Variants in TMCO4 observed in about 807,000 individuals in gnomAD.
The protein encoded by TMCO4 is transmembrane and coiled-coil domain-containing protein 4.
In TMCO4, 58 loss-of-function variants were observed where a neutral mutation model predicts 64.7. The ratio of observed to expected loss-of-function variants is 0.90; its 90% CI spans 0.73 to 1.12. TMCO4 has a LOEUF of 1.12. Among genes scored for constraint, TMCO4 ranks in the 50% most tolerant of loss-of-function variants. The probability of loss-of-function intolerance (pLI) is 0.00; values close to 1 mark genes in which losing one functional copy is unlikely to be tolerated. For synonymous variants in TMCO4, 325 were observed against 346.1 expected, an observed-to-expected ratio of 0.94 and a Z score of 0.68; for missense variants, 780 against 825.9, an observed-to-expected ratio of 0.94 and a Z score of 0.68.
rs534226685 is a variant in TMCO4, at chr1:19,690,490, T to C, written c.1500+3944A>G. ...GCCTGGTCTGGCCACAGGCCCAGCA[T>C]GGAGCTTGCTCTTGTGTCGGTGTTT... On this transcript the variant is annotated intron_variant, in intron 15 of 15. Transcript: ENST00000294543. Among the ~76,000 whole-genome samples, 11 of 152,350 alleles carry C rather than the reference T, an allele frequency of 7.2e-5. No individual in the cohort carries two copies. In the South Asian group the frequency reaches 2.3e-3, roughly 32 times the overall value.
At chr1:19,694,857 G>A (rs944676627) in intron 14 of TMCO4, among the ~76,000 whole-genome samples, 3 of 152,208 alleles carry the variant, frequency 2.0e-5, no homozygotes, top group Non-Finnish European at 2.9e-5. Flanking sequence ...TGCAATAGAG[G>A]AATATCTGCT....
intron 4 of TMCO4, among the ~76,000 whole-genome samples, chr1:19,775,598 G>C (rs2043171795): frequency 6.6e-6 from 1 of 152,222 alleles, no homozygotes; most frequent in African/African-American, 2.4e-5. Flanking sequence ...GTCTGTGGCT[G>C]CTTTTGTGCT....
chr1:19,783,620 T>C (rs760524588), intron 3 of TMCO4, among the ~76,000 whole-genome samples: 2 of 152,244 alleles, frequency 1.3e-5, no homozygotes, highest in African/African-American at 4.8e-5. Context: ...ATAACTACCA[T>C]GTAAAGTTAA....
chr1:19,776,477 G>C (rs2043209510), intron 4 of TMCO4, among the ~76,000 whole-genome samples: 1 of 152,182 alleles, frequency 6.6e-6, no homozygotes, highest in Admixed American at 6.5e-5. Context: ...ATAAACATTT[G>C]TTCATGGAAA....
rs767898445 is a variant in TMCO4, at chr1:19,755,739, A to T, written c.410T>A (p.Leu137His). 6.2e-7 allele frequency: 1 copy of T among 1,614,122 alleles called. No individual in the cohort carries two copies. The highest frequency in any genetic ancestry group is 8.5e-7 in the Non-Finnish European group (1 of 1,180,026). Reference sequence around the variant, plus strand: ...GAGCAGGGAGGTCATGTGGCAAACGAGGACTCTGGCCCGGGCGTCATAGTG... The same window carrying T: ...GAGCAGGGAGGTCATGTGGCAAACGTGGACTCTGGCCCGGGCGTCATAGTG... ...DGHYDARARV[L>H]VCHMTSLLQV... Residue 137 changes from leucine to histidine, a missense_variant, in exon 7 of 16, where the codon CTC becomes CAC. Transcript: ENST00000294543.
At chr1:19,764,552 A>C (rs115115651) in intron 6 of TMCO4, among the ~76,000 whole-genome samples, 68 of 152,334 alleles carry the variant, frequency 4.5e-4, no homozygotes, top group African/African-American at 1.6e-3. Context: ...TACGGATTAT[A>C]AACTGTATGA....
intron 2 of TMCO4, among the ~76,000 whole-genome samples, chr1:19,788,747 G>A (rs753787316): frequency 1.3e-5 from 2 of 152,098 alleles, no homozygotes; most frequent in Non-Finnish European, 2.9e-5. Flanking sequence ...AACAGAATTC[G>A]ACTGCATATA....
At chr1:19,707,547 T>C (rs2095308607) in intron 13 of TMCO4, among the ~76,000 whole-genome samples, 1 of 152,152 alleles carries the variant, frequency 6.6e-6, no homozygotes, top group African/African-American at 2.4e-5. Flanking sequence ...CACTTGAACC[T>C]GGGAGGAGGA....
intron 3 of TMCO4, among the ~76,000 whole-genome samples, chr1:19,786,007 C>A (rs1019304296): frequency 6.6e-6 from 1 of 152,128 alleles, no homozygotes; most frequent in East Asian, 1.9e-4. Flanking sequence ...GCCTGTAATC[C>A]GAGAGCTTTC....
At chr1:19,765,018 C>T (rs1290417966) in intron 6 of TMCO4, among the ~76,000 whole-genome samples, 2 of 152,030 alleles carry the variant, frequency 1.3e-5, no homozygotes, top group South Asian at 2.1e-4. Flanking sequence ...GCCACGTCTG[C>T]GGTAGAGAGT....
chr1:19,690,394 C>T (rs952029536), intron 15 of TMCO4, among the ~76,000 whole-genome samples: 2 of 152,242 alleles, frequency 1.3e-5, no homozygotes, highest in African/African-American at 4.8e-5. Context: ...AGCACACTAA[C>T]GCCCCCTCTG....
At chr1:19,769,215 C>CT (rs1349821980) in intron 6 of TMCO4, among the ~76,000 whole-genome samples, 3 of 152,220 alleles carry the variant, frequency 2.0e-5, no homozygotes, top group African/African-American at 7.2e-5. Context: ...CCACTAGAAT[C>CT]TGAGGGCTGA....
chr1:19,755,421 A>C (rs1258161029), intron 7 of TMCO4, among the ~76,000 whole-genome samples: 1 of 152,156 alleles, frequency 6.6e-6, no homozygotes, highest in South Asian at 2.1e-4. Context: ...GGCACATTTC[A>C]TCTTTTCTTC....
At position 19,755,666 on chromosome 1, in the gene TMCO4, C is replaced by G; in HGVS notation, c.483G>C (p.Glu161Asp). 6.2e-7 allele frequency: 1 copy of G among 1,614,168 alleles called. No homozygotes were observed. The highest frequency in any genetic ancestry group is 8.5e-7 in the Non-Finnish European group (1 of 1,180,032). ...CCTCTTCTTTGATTTCCTTCAGGCT[C>G]TCCAGGAACATCTCTTCAAGGACAT... ...ELDVLEEMFL[E>D]SLKEIKEEES... The change falls in exon 7 of 16, where the codon GAG (glutamate) becomes GAC (aspartate). Residue 161 changes from glutamate to aspartate, a missense_variant. Coordinates refer to ENST00000294543, the MANE Select transcript of TMCO4 (RefSeq NM_181719.7).
At chr1:19,774,827 T>C in intron 4 of TMCO4, among the ~76,000 whole-genome samples, 1 of 152,168 alleles carries the variant, frequency 6.6e-6, no homozygotes, top group South Asian at 2.1e-4. Flanking sequence ...TAGTTTACAC[T>C]ACTCTAGAGA....
At chr1:19,774,794 G>A (rs1203228893) in intron 4 of TMCO4, among the ~76,000 whole-genome samples, 1 of 150,696 alleles carries the variant, frequency 6.6e-6, no homozygotes, top group Admixed American at 6.6e-5. Context: ...ATGAGGAAGG[G>A]AGGTACTAGT....
At chr1:19,713,147 G>A (rs1322630446) in intron 13 of TMCO4, among the ~76,000 whole-genome samples, 3 of 152,196 alleles carry the variant, frequency 2.0e-5, no homozygotes, top group South Asian at 2.1e-4. Context: ...CACAAGGCCA[G>A]CCCAGATTCA....
intron 13 of TMCO4, among the ~76,000 whole-genome samples, chr1:19,711,100 G>A (rs2095328832): frequency 6.6e-6 from 1 of 152,232 alleles, no homozygotes; most frequent in South Asian, 2.1e-4. Flanking sequence ...ATAGCTGCTG[G>A]TAAGCTGCAG....
chr1:19,779,236 C>T (rs2043348614), intron 4 of TMCO4, among the ~76,000 whole-genome samples: 1 of 152,148 alleles, frequency 6.6e-6, no homozygotes, highest in Admixed American at 6.5e-5. Context: ...CTCAGTGCTC[C>T]TACGCTCTCT....
Sources: allele counts gnomAD v4.1 joint callset (sites outside exome capture counted in the v4.1 genomes callset), GRCh38; gene constraint gnomAD v4.1.1; transcripts MANE v1.5; gene names NCBI Gene and HGNC (gene_info 2026-07-23, HGNC 2026-07-21).